Variants in TAF4 observed in about 807,000 individuals in gnomAD.
TAF4 encodes transcription initiation factor TFIID subunit 4.
In TAF4, 9 loss-of-function variants were observed where a neutral mutation model predicts 90.3. The ratio of observed to expected loss-of-function variants is 0.10; its 90% CI spans 0.06 to 0.17. TAF4 has a LOEUF of 0.17. TAF4 is among the 10% of genes least tolerant of loss of function. The probability of loss-of-function intolerance (pLI) is 1.00; values close to 1 mark genes in which losing one functional copy is unlikely to be tolerated. For synonymous variants in TAF4, 818 were observed against 638.9 expected (o/e 1.28, Z -4.23); for missense variants, 1,351 against 1,370.7 (o/e 0.99, Z 0.23).
chr20:62,003,279 A>G lies in TAF4; in HGVS notation c.2372-5T>C, dbSNP rs759893251. The stretch of plus-strand genomic sequence containing the variant: ...CGGCGGGTTTCACCACAGGGACTAC[A>G]AAACAAACACACAGTGGAAACCACA... On this transcript the variant is annotated splice_polypyrimidine_tract_variant and splice_region_variant and intron_variant, in intron 8 of 14. Coordinates refer to ENST00000252996, the MANE Select transcript of TAF4 (RefSeq NM_003185.4). 6.2e-7 allele frequency: 1 copy of G among 1,610,766 alleles called. No homozygotes were observed. The highest frequency in any genetic ancestry group is 8.5e-7 in the Non-Finnish European group (1 of 1,176,930).
At chr20:61,985,203 G>A (rs750348920) in intron 14 of TAF4, among the ~76,000 whole-genome samples, 4 of 151,844 alleles carry the variant, frequency 2.6e-5, no homozygotes, top group African/African-American at 4.8e-5. Flanking sequence ...CACTAAACCC[G>A]AGCTGTCCTG....
chr20:62,024,524 T>G (rs2055863837), intron 1 of TAF4, among the ~76,000 whole-genome samples: 1 of 152,182 alleles, frequency 6.6e-6, no homozygotes, highest in South Asian at 2.1e-4. Flanking sequence ...AGCATCCATC[T>G]AATAAAGGGC....
intron 14 of TAF4, among the ~76,000 whole-genome samples, chr20:61,994,808 G>A (rs552439457): frequency 2.0e-5 from 3 of 152,292 alleles, no homozygotes; most frequent in African/African-American, 7.2e-5. Context: ...GCTGCCACGG[G>A]GCTGAGAGCG....
intron 1 of TAF4, among the ~76,000 whole-genome samples, chr20:62,051,934 CA>C (rs1568942735): frequency 6.6e-6 from 1 of 152,152 alleles, no homozygotes; most frequent in African/African-American, 2.4e-5. Context: ...CTGGACAAAC[CA>C]AGGTTGCCGC....
intron 3 of TAF4, 101 bp downstream of exon 3, chr20:62,012,714 T>C: frequency 7.5e-7 from 1 of 1,329,758 alleles, no homozygotes; most frequent in Non-Finnish European, 9.7e-7. Context: ...TAGTATCCAG[T>C]TTAAAAAAAA....
chr20:62,026,751 C>A (rs1159647837), intron 1 of TAF4, among the ~76,000 whole-genome samples: 1 of 152,210 alleles, frequency 6.6e-6, no homozygotes, highest in Non-Finnish European at 1.5e-5. Context: ...CCTCCACCAA[C>A]CCACCCACGG....
chr20:61,989,821 G>A (rs756255147), intron 14 of TAF4, among the ~76,000 whole-genome samples: 13 of 152,198 alleles, frequency 8.5e-5, no homozygotes, highest in Non-Finnish European at 1.8e-4. Flanking sequence ...ATAAACCAAC[G>A]AGGAGGGGCG....
At chr20:61,996,702 G>A (rs2055664823) in intron 14 of TAF4, among the ~76,000 whole-genome samples, 1 of 151,978 alleles carries the variant, frequency 6.6e-6, no homozygotes, top group Admixed American at 6.5e-5. Flanking sequence ...GGGAGGCTGA[G>A]GCAGGAGAAC....
At chr20:62,004,196 G>A (rs1392743438) in intron 7 of TAF4, among the ~76,000 whole-genome samples, 1 of 152,198 alleles carries the variant, frequency 6.6e-6, no homozygotes, top group African/African-American at 2.4e-5. Context: ...GCAAACTGAT[G>A]CCTGCTGACC....
rs1295242702 is a variant in TAF4, at chr20:62,000,740, G to A, written c.2487-19C>T. On this transcript the variant is annotated intron_variant, in intron 9 of 14. Coordinates refer to ENST00000252996, the MANE Select transcript of TAF4 (RefSeq NM_003185.4). Reference sequence around the variant, plus strand: ...ATCGTCCCTTGAGGAAAGAAGGGAAGATCACTTTAACTGTACAAGGAATTC... The same window carrying A: ...ATCGTCCCTTGAGGAAAGAAGGGAAAATCACTTTAACTGTACAAGGAATTC... The A allele has an allele frequency of 6.2e-7, 1 of 1,613,854 alleles. No individual in the cohort carries two copies. Among genetic ancestry groups the A allele is most frequent in the Non-Finnish European group, 8.5e-7 (1 of 1,179,796 alleles).
chr20:61,992,081 G>A (rs1020644317), intron 14 of TAF4, among the ~76,000 whole-genome samples: 4 of 152,218 alleles, frequency 2.6e-5, no homozygotes, highest in Non-Finnish European at 4.4e-5. Flanking sequence ...CTGCTCCCAT[G>A]AAGCGTTCCA....
rs2056116269 is a variant in TAF4, at chr20:62,064,936, G to A, written c.875C>T (p.Thr292Ile). ...RPPGHPAGPP[T>I]AAPAVPPPAA... ...GGGGGGCGGCACGGCGGGCGCGGCG[G>A]TCGGGGGTCCGGCGGGGTGGCCGGG... is the stretch of plus-strand genomic sequence containing the variant. Residue 292 changes from threonine (T) to isoleucine (I), a missense_variant, in exon 1 of 15, where the codon ACC becomes ATC. By Grantham distance (89) the Thr-to-Ile change is moderately conservative (BLOSUM62 -1). Around this residue, in one of 9 missense-constraint regions of TAF4, gnomAD observed 782 missense variants for 536.6 expected, o/e 1.46. Coordinates refer to ENST00000252996, the MANE Select transcript of TAF4 (RefSeq NM_003185.4). 1 of 573,654 alleles carries A rather than the reference G, an allele frequency of 1.7e-6. No individual in the cohort carries two copies. Among genetic ancestry groups the A allele is most frequent in the Non-Finnish European group, 2.2e-6 (1 of 462,112 alleles). The allele number at this position is 573,654 out of a possible 1,614,324, so 35.5% of individuals were successfully genotyped here.
At chr20:62,039,860 A>G (rs1372689437) in intron 1 of TAF4, among the ~76,000 whole-genome samples, 1 of 152,252 alleles carries the variant, frequency 6.6e-6, no homozygotes, top group Admixed American at 6.5e-5. Flanking sequence ...ACACCTCCCG[A>G]AAGAAGATAG....
At chr20:62,051,966 C>T (rs978123172) in intron 1 of TAF4, among the ~76,000 whole-genome samples, 1 of 152,184 alleles carries the variant, frequency 6.6e-6, no homozygotes, top group African/African-American at 2.4e-5. Flanking sequence ...GCTCTAGGGC[C>T]TGCAGACACA....
chr20:62,038,647 G>A (rs1177563998), intron 1 of TAF4, among the ~76,000 whole-genome samples: 2 of 152,136 alleles, frequency 1.3e-5, no homozygotes, highest in African/African-American at 2.4e-5. Context: ...AATCCTGAAA[G>A]GCCTAAATCA....
chr20:62,026,724 C>A (rs1167450914), intron 1 of TAF4, among the ~76,000 whole-genome samples: 1 of 152,202 alleles, frequency 6.6e-6, no homozygotes, highest in Non-Finnish European at 1.5e-5. Context: ...AGCTCTGCTC[C>A]GCAGGCAGAA....
intron 1 of TAF4, among the ~76,000 whole-genome samples, chr20:62,054,394 G>T (rs575827705): frequency 6.6e-6 from 1 of 152,174 alleles, no homozygotes; most frequent in Non-Finnish European, 1.5e-5. Flanking sequence ...GCCAACATGC[G>T]GCAGGAAGGC....
chr20:62,003,304 A>G (rs753185227), intron 8 of TAF4, 30 bp from the exon 9 acceptor site: 47 of 1,567,222 alleles, frequency 3.0e-5, no homozygotes, highest in South Asian at 2.9e-4. Flanking sequence ...TGGAAACCAC[A>G]CAAGGCTTTT....
rs199577335 is a variant in TAF4 at position 62,021,789 on chromosome 20, C to CT, written c.1361-7083dup. The stretch of plus-strand genomic sequence containing the variant: ...ACAGGCATATGATTAAAGTTCTATA[C>CT]TTTTTTTTTTGAAACAGAGTCTCAC... On this transcript the variant is annotated intron_variant, in intron 1 of 14. Coordinates refer to ENST00000252996, the MANE Select transcript of TAF4 (RefSeq NM_003185.4). 5.5e-3 allele frequency among the ~76,000 whole-genome samples: 814 copies of CT among 149,234 alleles called. 7 individuals carry two copies. The highest frequency in any genetic ancestry group is 0.028 in the Admixed American group (420 of 15,012).
Sources: gnomAD v4.1 joint callset for allele counts (sites outside exome capture counted in the v4.1 genomes callset) on GRCh38, gnomAD v4.1.1 for gene constraint, gnomAD v4.1.1 regional missense constraint, MANE v1.5 for transcripts, NCBI Gene and HGNC (gene_info 2026-07-23, HGNC 2026-07-21) for gene names.